Variants in KLHL1 observed in about 807,000 individuals in gnomAD.
The protein encoded by KLHL1 is kelch-like protein 1.
Under a neutral mutation model 77.7 loss-of-function variants are expected in KLHL1, and 47 were observed. The observed-to-expected ratio is 0.60, with a 90% CI of 0.48 to 0.77. KLHL1 has a LOEUF of 0.77. Among genes scored for constraint, KLHL1 ranks in the 30% least tolerant of loss-of-function variants. The probability of loss-of-function intolerance (pLI) is 0.00; values close to 1 mark genes in which losing one functional copy is unlikely to be tolerated. For synonymous variants in KLHL1, 360 were observed against 325.2 expected (o/e 1.11, Z -1.15); for missense variants, 925 against 910.8 (o/e 1.02, Z -0.20).
intron 1 of KLHL1, among the ~76,000 whole-genome samples, chr13:70,081,654 C>A (rs942528170): frequency 4.6e-5 from 7 of 152,146 alleles, no homozygotes; most frequent in Non-Finnish European, 1.0e-4. Flanking sequence ...AAGATAAATT[C>A]TTTCAATGAT....
At position 70,014,196 on chromosome 13, in the gene KLHL1, A is replaced by G. The variant is rs118137290; in HGVS notation, c.498-38394T>C. Reference sequence around the variant, plus strand: ...AAGAATTGATTTTTCTTCCTGAAGAACTAAGACAAGAAAAATGAGCTGAAA... The same window carrying G: ...AAGAATTGATTTTTCTTCCTGAAGAGCTAAGACAAGAAAAATGAGCTGAAA... On this transcript the variant is annotated intron_variant, in intron 1 of 10. Coordinates refer to ENST00000377844, the MANE Select transcript of KLHL1 (RefSeq NM_020866.3). Among the ~76,000 whole-genome samples the G allele has an allele frequency of 9.5e-3, 1,448 of 152,256 alleles. 8 individuals are homozygous for G. The highest frequency in any genetic ancestry group is 0.015 in the Non-Finnish European group (1,003 of 67,948).
chr13:70,069,847 T>C (rs1008622588), intron 1 of KLHL1, among the ~76,000 whole-genome samples: 3 of 151,902 alleles, frequency 2.0e-5, no homozygotes, highest in Non-Finnish European at 2.9e-5. Flanking sequence ...ATATGTATAA[T>C]GGAAAAACAA....
At chr13:69,793,274 GATAAA>G (rs1315532211) in intron 7 of KLHL1, among the ~76,000 whole-genome samples, 2 of 151,992 alleles carry the variant, frequency 1.3e-5, no homozygotes, top group South Asian at 2.1e-4. Context: ...AGACTTAAGT[GATAAA>G]ATAAAAATTT....
intron 4 of KLHL1, among the ~76,000 whole-genome samples, chr13:69,928,875 T>C (rs1416481569): frequency 6.6e-6 from 1 of 152,090 alleles, no homozygotes; most frequent in African/African-American, 2.4e-5. Context: ...AGGCATTAAA[T>C]TGTATAATTT....
intron 7 of KLHL1, among the ~76,000 whole-genome samples, chr13:69,752,517 T>C (rs1001819482): frequency 3.3e-5 from 5 of 152,192 alleles, no homozygotes; most frequent in African/African-American, 7.2e-5. Flanking sequence ...TGTTATAACA[T>C]GAAAATAAAA....
chr13:69,787,302 C>A (rs1480592339), intron 7 of KLHL1, among the ~76,000 whole-genome samples: 23 of 152,024 alleles, frequency 1.5e-4, no homozygotes, highest in Non-Finnish European at 3.1e-4. Flanking sequence ...GTACTGGTAC[C>A]AAAACAGAAA....
At chr13:70,036,296 T>C (rs2137373050) in intron 1 of KLHL1, among the ~76,000 whole-genome samples, 1 of 152,030 alleles carries the variant, frequency 6.6e-6, no homozygotes, top group African/African-American at 2.4e-5. Flanking sequence ...AAACACAACA[T>C]ATGTGCAAAA....
At chr13:69,982,287 T>A (rs1185332622) in intron 1 of KLHL1, among the ~76,000 whole-genome samples, 2 of 151,378 alleles carry the variant, frequency 1.3e-5, no homozygotes, top group African/African-American at 4.9e-5. Flanking sequence ...TACTAAAAAA[T>A]TAGCCAGGCA....
At chr13:70,020,166 T>C (rs1885753316) in intron 1 of KLHL1, among the ~76,000 whole-genome samples, 1 of 152,076 alleles carries the variant, frequency 6.6e-6, no homozygotes, top group Non-Finnish European at 1.5e-5. Context: ...CAAAATGGAC[T>C]AGGATAAATG....
At chr13:69,939,618 T>A (rs916226633) in intron 4 of KLHL1, among the ~76,000 whole-genome samples, 1 of 151,904 alleles carries the variant, frequency 6.6e-6, no homozygotes, top group Non-Finnish European at 1.5e-5. Context: ...TCTATCAATA[T>A]GTATATCTGT....
chr13:69,753,923 A>T (rs1847596134), intron 7 of KLHL1, among the ~76,000 whole-genome samples: 1 of 151,856 alleles, frequency 6.6e-6, no homozygotes, highest in Non-Finnish European at 1.5e-5. Flanking sequence ...TGCATCCTTG[A>T]CCTCCCAGGC....
chr13:70,046,896 T>A (rs895872863), intron 1 of KLHL1, among the ~76,000 whole-genome samples: 1 of 152,200 alleles, frequency 6.6e-6, no homozygotes, highest in Non-Finnish European at 1.5e-5. Flanking sequence ...AAGGAAATTG[T>A]TTTGCTCGAG....
chr13:69,710,035 C>A, intron 9 of KLHL1, among the ~76,000 whole-genome samples: 1 of 151,578 alleles, frequency 6.6e-6, no homozygotes, highest in East Asian at 1.9e-4. Flanking sequence ...GCAAAGCAGA[C>A]TTTATCATGT....
At chr13:69,983,535 G>C (rs1356484180) in intron 1 of KLHL1, among the ~76,000 whole-genome samples, 2 of 132,518 alleles carry the variant, frequency 1.5e-5, no homozygotes, top group Non-Finnish European at 3.1e-5. Context: ...GAAGCCATGA[G>C]TTTGAGACCA....
chr13:69,824,747 G>T (rs1038387439), intron 6 of KLHL1, among the ~76,000 whole-genome samples: 1 of 152,114 alleles, frequency 6.6e-6, no homozygotes, highest in Non-Finnish European at 1.5e-5. Flanking sequence ...CTTTGGAGAT[G>T]TGGAAGGTGA....
intron 1 of KLHL1, among the ~76,000 whole-genome samples, chr13:70,097,431 A>C (rs1367960127): frequency 1.3e-5 from 2 of 152,018 alleles, no homozygotes; most frequent in Non-Finnish European, 2.9e-5. Context: ...AACAGTAAAG[A>C]AAAGAACCAG....
chr13:69,758,529 CT>C (rs1874874344), intron 7 of KLHL1, among the ~76,000 whole-genome samples: 2 of 151,960 alleles, frequency 1.3e-5, no homozygotes, highest in African/African-American at 4.8e-5. Flanking sequence ...TTAAAATAAA[CT>C]TTTTCACTAA....
intron 5 of KLHL1, among the ~76,000 whole-genome samples, chr13:69,851,122 C>A (rs1420896546): frequency 2.9e-5 from 3 of 105,148 alleles, no homozygotes; most frequent in South Asian, 4.2e-4. Flanking sequence ...ATTTTTTATG[C>A]TTTTATAGGT....
At chr13:69,873,158 T>C (rs1880646524) in intron 5 of KLHL1, among the ~76,000 whole-genome samples, 1 of 152,198 alleles carries the variant, frequency 6.6e-6, no homozygotes, top group African/African-American at 2.4e-5. Context: ...AAACTTAATA[T>C]ACTTTCCATG....
Sources: allele counts gnomAD v4.1 joint callset (sites outside exome capture counted in the v4.1 genomes callset), GRCh38; gene constraint gnomAD v4.1.1; transcripts MANE v1.5; gene names NCBI Gene and HGNC (gene_info 2026-07-23, HGNC 2026-07-21).